Variants in ATXN1 observed in about 807,000 individuals in gnomAD.
ATXN1 encodes ataxin-1.
ATXN1 carries 8 observed loss-of-function variants against 56.4 expected under a neutral mutation model. The observed-to-expected ratio is 0.14, with a 90% CI of 0.08 to 0.26. The LOEUF (loss-of-function observed/expected upper bound fraction) is 0.26. Among genes scored for constraint, ATXN1 ranks in the 10% least tolerant of loss-of-function variants. ATXN1 has a pLI of 1.00. For synonymous variants in ATXN1, 514 were observed against 494.6 expected (o/e 1.04, Z -0.52); for missense variants, 987 against 1,106.5 (o/e 0.89, Z 1.53).
At chr6:16,573,211 T>C (rs1762363482) in intron 4 of ATXN1, among the ~76,000 whole-genome samples, 1 of 151,938 alleles carries the variant, frequency 6.6e-6, no homozygotes, top group African/African-American at 2.4e-5. Flanking sequence ...TCCTCCTTCC[T>C]CACCTAGAAT....
At chr6:16,311,362 C>T (rs1561845623) in intron 7 of ATXN1, among the ~76,000 whole-genome samples, 1 of 152,194 alleles carries the variant, frequency 6.6e-6, no homozygotes, top group Admixed American at 6.5e-5. Flanking sequence ...GACCTCTACC[C>T]TTGTGAGCAA....
intron 5 of ATXN1, among the ~76,000 whole-genome samples, chr6:16,495,816 T>A (rs1316089562): frequency 1.3e-5 from 2 of 150,982 alleles, no homozygotes; most frequent in African/African-American, 4.9e-5. Flanking sequence ...TGAGCCGAGA[T>A]CATGCCACTG....
At chr6:16,417,520 G>A (rs1758937245) in intron 6 of ATXN1, among the ~76,000 whole-genome samples, 1 of 150,796 alleles carries the variant, frequency 6.6e-6, no homozygotes, top group Non-Finnish European at 1.5e-5. Context: ...CTCACTGCAA[G>A]CTCCGCCTCC....
intron 6 of ATXN1, among the ~76,000 whole-genome samples, chr6:16,373,744 T>G (rs1762092145): frequency 6.6e-6 from 1 of 152,230 alleles, no homozygotes; most frequent in Non-Finnish European, 1.5e-5. Flanking sequence ...AGACATGCCT[T>G]TTGCCTTCCA....
chr6:16,454,067 T>C (rs573149898), intron 6 of ATXN1, among the ~76,000 whole-genome samples: 1 of 137,712 alleles, frequency 7.3e-6, no homozygotes, highest in East Asian at 2.3e-4. Flanking sequence ...GAAGTGGAGG[T>C]TGCAGTGAGC....
chr6:16,511,602 A>C (rs1482449153), intron 5 of ATXN1, among the ~76,000 whole-genome samples: 1 of 152,106 alleles, frequency 6.6e-6, no homozygotes, highest in African/African-American at 2.4e-5. Context: ...ACAAGTCCGA[A>C]ACCTCCAAAA....
chr6:16,375,496 C>T (rs1021559839), intron 6 of ATXN1, among the ~76,000 whole-genome samples: 1 of 152,198 alleles, frequency 6.6e-6, no homozygotes. Flanking sequence ...TGGGGCATTA[C>T]AAAAATTCAT....
intron 4 of ATXN1, among the ~76,000 whole-genome samples, chr6:16,573,820 C>G (rs1005343767): frequency 1.3e-5 from 2 of 152,142 alleles, no homozygotes; most frequent in Admixed American, 1.3e-4. Flanking sequence ...GTTTCCTCCA[C>G]CCATCATCAC....
At chr6:16,484,249 A>G (rs1307870547) in intron 6 of ATXN1, among the ~76,000 whole-genome samples, 2 of 152,116 alleles carry the variant, frequency 1.3e-5, no homozygotes, top group Non-Finnish European at 2.9e-5. Flanking sequence ...CCTGAGCAAC[A>G]TGGTGAAACT....
chr6:16,649,463 G>A (rs561552667), intron 3 of ATXN1, among the ~76,000 whole-genome samples: 16 of 152,248 alleles, frequency 1.1e-4, no homozygotes, highest in South Asian at 4.1e-4. Flanking sequence ...TGATTTGGCC[G>A]ACATGGTTAT....
At chr6:16,309,717 A>T (rs1254149662) in intron 7 of ATXN1, among the ~76,000 whole-genome samples, 1 of 152,186 alleles carries the variant, frequency 6.6e-6, no homozygotes. Context: ...TTGTAAACTA[A>T]ACAGGAAAAA....
At chr6:16,583,557 C>G (rs1561766357) in intron 4 of ATXN1, among the ~76,000 whole-genome samples, 1 of 152,106 alleles carries the variant, frequency 6.6e-6, no homozygotes, top group South Asian at 2.1e-4. Flanking sequence ...GATGAGCCAA[C>G]TAGGGCAGCT....
At chr6:16,310,910 C>G (rs944623052) in intron 7 of ATXN1, among the ~76,000 whole-genome samples, 1 of 152,170 alleles carries the variant, frequency 6.6e-6, no homozygotes, top group Non-Finnish European at 1.5e-5. Flanking sequence ...TTCTTTGTTT[C>G]CTTTGTTAAC....
At chr6:16,738,980 C>G (rs1033800507) in intron 2 of ATXN1, 1 of 152,122 alleles carries the variant, frequency 6.6e-6, no homozygotes, top group Non-Finnish European at 1.5e-5. Context: ...CAAAATGTTA[C>G]TGAAATATCT....
intron 2 of ATXN1, among the ~76,000 whole-genome samples, chr6:16,723,128 G>T (rs572186973): frequency 1.3e-5 from 2 of 152,254 alleles, no homozygotes; most frequent in East Asian, 3.9e-4. Context: ...TTCTACTAAG[G>T]ATTAAAAGTC....
At chr6:16,753,486 T>C in intron 1 of ATXN1, 139 bp from the exon 2 acceptor site, 2 of 398,944 alleles carry the variant, frequency 5.0e-6, no homozygotes, top group Middle Eastern at 8.4e-4. Context: ...TTCTGTTGTA[T>C]GAGAATTACA....
intron 3 of ATXN1, among the ~76,000 whole-genome samples, chr6:16,603,077 G>A (rs943585482): frequency 3.9e-5 from 6 of 152,252 alleles, no homozygotes; most frequent in Admixed American, 3.9e-4. Context: ...AAAGATAAAA[G>A]CAGCCGACTG....
chr6:16,729,456 T>G (rs1270098231), intron 2 of ATXN1, among the ~76,000 whole-genome samples: 1 of 152,206 alleles, frequency 6.6e-6, no homozygotes, highest in Admixed American at 6.5e-5. Context: ...TGAAACTGCA[T>G]CTGGGACTCC....
intron 6 of ATXN1, among the ~76,000 whole-genome samples, chr6:16,439,092 C>T (rs1245187667): frequency 2.0e-5 from 3 of 151,778 alleles, no homozygotes; most frequent in African/African-American, 7.3e-5. Flanking sequence ...GAAACAAGGC[C>T]CTTTGTCAAA....
Sources: gnomAD v4.1 joint callset for allele counts (sites outside exome capture counted in the v4.1 genomes callset) on GRCh38, gnomAD v4.1.1 for gene constraint, MANE v1.5 for transcripts, NCBI Gene and HGNC (gene_info 2026-07-23, HGNC 2026-07-21) for gene names.